The following PEPD variants were observed in gnomAD, a reference collection of about 807,000 sequenced individuals.
PEPD encodes peptidase D, also known as xaa-Pro dipeptidase.
Under a neutral mutation model 60.7 loss-of-function variants are expected in PEPD, and 53 were observed. The observed-to-expected ratio is 0.87, with a 90% CI of 0.70 to 1.10. PEPD has a LOEUF of 1.10. Among genes scored for constraint, PEPD ranks in the 50% least tolerant of loss-of-function variants. The pLI, the probability that PEPD is intolerant of heterozygous loss-of-function variation, is 0.00. For missense variants in PEPD, 711 were observed against 711.9 expected (o/e 1.00, Z 0.01); for synonymous variants, 267 against 284.1 (o/e 0.94, Z 0.60).
intron 9 of PEPD, among the ~76,000 whole-genome samples, chr19:33,419,975 A>AG (rs1299626927): frequency 1.3e-5 from 2 of 152,256 alleles, no homozygotes; most frequent in Non-Finnish European, 2.9e-5. Context: ...AACAGACAGG[A>AG]GCAGCTCACT....
intron 11 of PEPD, among the ~76,000 whole-genome samples, chr19:33,406,937 C>A (rs12976696): frequency 1.3e-5 from 2 of 152,110 alleles, no homozygotes; most frequent in Non-Finnish European, 2.9e-5. Context: ...CCACCCACCC[C>A]CCATGCCCAG....
intron 12 of PEPD, among the ~76,000 whole-genome samples, chr19:33,392,778 A>T (rs576025510): frequency 6.6e-6 from 1 of 152,266 alleles, no homozygotes; most frequent in East Asian, 1.9e-4. Flanking sequence ...GGCTGTGAGA[A>T]GCAGGGTTCT....
intron 9 of PEPD, among the ~76,000 whole-genome samples, chr19:33,416,647 T>C (rs974420681): frequency 6.6e-6 from 1 of 152,224 alleles, no homozygotes; most frequent in Non-Finnish European, 1.5e-5. Context: ...GAGGAGGCCG[T>C]GGTCTGCCTA....
At chr19:33,388,393 G>A in intron 13 of PEPD, 1 of 563,810 alleles carries the variant, frequency 1.8e-6, no homozygotes, top group Non-Finnish European at 3.2e-6. Flanking sequence ...CTGGCTGAGG[G>A]TTGGGCTGCC....
rs144676677 is a variant in PEPD at position 33,437,832 on chromosome 19, C to A, written c.672-24189G>T. On this transcript the variant is annotated intron_variant, in intron 9 of 14. Transcript: ENST00000244137. ...GCACGCCCCGACCGTGCAGTTCAGG[C>A]CATTTTTCTCAACCCTCGCCAGTTT... Among the ~76,000 whole-genome samples the A allele has an allele frequency of 3.6e-3, 554 of 152,264 alleles. 3 individuals are homozygous for A. Among genetic ancestry groups the A allele is most frequent in the African/African-American group, 0.013 (531 of 41,546 alleles).
At chr19:33,404,328 G>A in intron 11 of PEPD, among the ~76,000 whole-genome samples, 1 of 152,194 alleles carries the variant, frequency 6.6e-6, no homozygotes, top group Non-Finnish European at 1.5e-5. Flanking sequence ...ACAGGGCCAG[G>A]AGTATGGGGG....
At chr19:33,428,943 T>C (rs1969212526) in intron 9 of PEPD, among the ~76,000 whole-genome samples, 1 of 152,242 alleles carries the variant, frequency 6.6e-6, no homozygotes, top group African/African-American at 2.4e-5. Context: ...CGAAACCCTG[T>C]CTGCCCAGGC....
At position 33,431,124 on chromosome 19, in the gene PEPD, G is replaced by C. The variant is rs182599137; in HGVS notation, c.672-17481C>G. On this transcript the variant is annotated intron_variant, in intron 9 of 14. Transcript: ENST00000244137. ...GATCCTATGAAGGAAGGGAGGAAGG[G>C]AGAGAGGAACAGAGAAAGGGAGAGA... Among the ~76,000 whole-genome samples the C allele has an allele frequency of 1.4e-3, 205 of 143,500 alleles. 1 individual carries two copies. The highest frequency in any genetic ancestry group is 4.4e-3 in the African/African-American group (174 of 39,322). 94.1% of individuals were successfully genotyped at this position (143,500 alleles called of 152,430 possible). A position where few individuals can be genotyped will look rare whatever the true frequency, so the allele number is the denominator to read the frequency against.
At chr19:33,439,054 G>A (rs1027140407) in intron 9 of PEPD, among the ~76,000 whole-genome samples, 17 of 152,218 alleles carry the variant, frequency 1.1e-4, no homozygotes, top group Non-Finnish European at 2.1e-4. Context: ...CCAGGCCAGT[G>A]GCACAGTTCT....
chr19:33,397,181 G>A (rs368846869), intron 12 of PEPD, among the ~76,000 whole-genome samples: 25 of 152,322 alleles, frequency 1.6e-4, no homozygotes, highest in East Asian at 1.5e-3. Flanking sequence ...CTTCCTCGCC[G>A]ACTGTGAATG....
chr19:33,452,449 A>G (rs1969715607), intron 9 of PEPD, among the ~76,000 whole-genome samples: 1 of 152,226 alleles, frequency 6.6e-6, no homozygotes, highest in Non-Finnish European at 1.5e-5. Flanking sequence ...AATTAATAAT[A>G]AAACTGGAAA....
Position 33,387,301 on chromosome 19 carries a change from T to G in PEPD, c.*43A>C, listed in dbSNP as rs1243494109. 6.2e-7 allele frequency: 1 copy of G among 1,611,220 alleles called. No homozygotes were observed. The highest frequency in any genetic ancestry group is 2.2e-5 in the East Asian group (1 of 44,836). ...CAGGCTGCCCATCACGAAAAGAGGT[T>G]GCAAGGCCAGGCCCCCAGGTGCGCT... On this transcript the variant is annotated 3_prime_UTR_variant, in exon 15 of 15. Transcript: ENST00000244137.
At chr19:33,407,748 G>A (rs984905229) in intron 11 of PEPD, among the ~76,000 whole-genome samples, 2 of 152,202 alleles carry the variant, frequency 1.3e-5, no homozygotes, top group Admixed American at 6.5e-5. Context: ...GGATCACAGC[G>A]GGAAAAGACT....
intron 9 of PEPD, among the ~76,000 whole-genome samples, chr19:33,429,349 G>A (rs1969223062): frequency 1.3e-5 from 2 of 152,196 alleles, no homozygotes; most frequent in African/African-American, 4.8e-5. Context: ...CAGCAAAAAT[G>A]GAATTTTACA....
At position 33,416,912 on chromosome 19, in the gene PEPD, G is replaced by A. The variant is rs73586234; in HGVS notation, c.672-3269C>T. ...TCAGTGCCAGGAGATGACAAATGGG[G>A]CAGGAGCAGCAAGTTCCCAGACCCA... On this transcript the variant is annotated intron_variant, in intron 9 of 14. Coordinates refer to ENST00000244137, the MANE Select transcript of PEPD (RefSeq NM_000285.4). Among the ~76,000 whole-genome samples the A allele has an allele frequency of 4.6e-3, 699 of 152,324 alleles. 7 individuals carry two copies. Among genetic ancestry groups the A allele is most frequent in the African/African-American group, 0.016 (657 of 41,560 alleles).
chr19:33,471,007 C>T (rs1457206557), intron 7 of PEPD, among the ~76,000 whole-genome samples: 2 of 152,228 alleles, frequency 1.3e-5, no homozygotes, highest in Non-Finnish European at 2.9e-5. Context: ...AGGAAGAGGT[C>T]GTAATCTGCC....
rs988280985 is a variant in PEPD, at chr19:33,409,071, G to A, written c.818+2601C>T. Among the ~76,000 whole-genome samples, 5 of 152,266 alleles carry A rather than the reference G, an allele frequency of 3.3e-5. No homozygotes were observed. The South Asian group carries it at 8.3e-4, about 25-fold the overall frequency. Reference sequence around the variant, plus strand: ...CACTCCTGCCTCTACAGCTGCAGCTGGGAGATGCAGGTGCCATGTGCTGTC... The same window carrying A: ...CACTCCTGCCTCTACAGCTGCAGCTAGGAGATGCAGGTGCCATGTGCTGTC... On this transcript the variant is annotated intron_variant, in intron 11 of 14. Transcript: ENST00000244137.
intron 4 of PEPD, among the ~76,000 whole-genome samples, chr19:33,498,245 G>A (rs530256409): frequency 2.8e-4 from 43 of 152,266 alleles, no homozygotes; most frequent in South Asian, 1.2e-3. Context: ...GACGGGGTGC[G>A]GTGGGGTGCT....
intron 1 of PEPD, among the ~76,000 whole-genome samples, 190 bp downstream of exon 1, chr19:33,521,554 C>A (rs1971135082): frequency 1.3e-5 from 2 of 152,218 alleles, no homozygotes; most frequent in Admixed American, 1.3e-4. Context: ...AGAGGAGCTG[C>A]GGCCCCCGCG....
Sources: gnomAD v4.1 joint callset for allele counts (sites outside exome capture counted in the v4.1 genomes callset) on GRCh38, gnomAD v4.1.1 for gene constraint, MANE v1.5 for transcripts, NCBI Gene and HGNC (gene_info 2026-07-23, HGNC 2026-07-21) for gene names.